Variants in EVI5 observed in about 807,000 individuals in gnomAD.
EVI5 encodes ecotropic viral integration site 5, also known as ecotropic viral integration site 5 protein homolog.
In EVI5, 73 loss-of-function variants were observed where a neutral mutation model predicts 112.0. The ratio of observed to expected loss-of-function variants is 0.65; its 90% confidence interval spans 0.54 to 0.79. The LOEUF is 0.79. Ranked by LOEUF, EVI5 falls within the 30% of genes least tolerant of loss-of-function variation. The pLI, the probability that EVI5 is intolerant of heterozygous loss-of-function variation, is 0.00. For synonymous variants in EVI5, 305 were observed against 319.9 expected, an observed-to-expected ratio of 0.95 and a Z score of 0.50; for missense variants, 900 against 968.8, an observed-to-expected ratio of 0.93 and a Z score of 0.94.
intron 1 of EVI5, among the ~76,000 whole-genome samples, chr1:92,761,579 A>C (rs1023736595): frequency 5.9e-5 from 9 of 152,218 alleles, no homozygotes; most frequent in African/African-American, 2.2e-4. Flanking sequence ...GCCCATAAAA[A>C]ACCTGATATA....
intron 1 of EVI5, among the ~76,000 whole-genome samples, chr1:92,769,745 G>A (rs1446602871): frequency 6.6e-6 from 1 of 152,022 alleles, no homozygotes; most frequent in Non-Finnish European, 1.5e-5. Flanking sequence ...AAATTAGCCG[G>A]GTGTGGTGGT....
At chr1:92,620,685 T>A (rs1178633421) in intron 16 of EVI5, among the ~76,000 whole-genome samples, 2 of 152,030 alleles carry the variant, frequency 1.3e-5, no homozygotes, top group African/African-American at 4.8e-5. Context: ...CTTTTAAAAT[T>A]GAAGAAATAA....
chr1:92,716,405 CAGAA>C (rs997854277), intron 2 of EVI5, among the ~76,000 whole-genome samples: 1 of 152,206 alleles, frequency 6.6e-6, no homozygotes, highest in Non-Finnish European at 1.5e-5. Flanking sequence ...AACTAACAAA[CAGAA>C]AGGAATAGCA....
At chr1:92,589,757 G>C (rs1273552282) in intron 18 of EVI5, among the ~76,000 whole-genome samples, 1 of 152,202 alleles carries the variant, frequency 6.6e-6, no homozygotes, top group African/African-American at 2.4e-5. Flanking sequence ...TGACAGCTTT[G>C]AAGAGAGTAG....
At chr1:92,781,508 T>A (rs945530802) in intron 1 of EVI5, among the ~76,000 whole-genome samples, 11 of 150,642 alleles carry the variant, frequency 7.3e-5, no homozygotes, top group Middle Eastern at 3.4e-3. Flanking sequence ...AAAAAAAAAA[T>A]TTTTTTTGCA....
intron 1 of EVI5, among the ~76,000 whole-genome samples, chr1:92,783,347 G>GA (rs1198599083): frequency 7.5e-6 from 1 of 133,820 alleles, no homozygotes; most frequent in African/African-American, 2.9e-5. Flanking sequence ...CCAACACGGT[G>GA]AAACCCCGTT....
At chr1:92,592,234 C>A (rs575237114) in intron 18 of EVI5, among the ~76,000 whole-genome samples, 7 of 152,230 alleles carry the variant, frequency 4.6e-5, no homozygotes, top group African/African-American at 1.7e-4. Flanking sequence ...CAGAGCGAGA[C>A]TCCGTCTCAG....
chr1:92,681,426 A>G (rs1356488760), intron 9 of EVI5, among the ~76,000 whole-genome samples: 1 of 152,196 alleles, frequency 6.6e-6, no homozygotes, highest in Non-Finnish European at 1.5e-5. Flanking sequence ...GGTAAAGAGT[A>G]TATCGTACCC....
chr1:92,753,321 C>T (rs1680470249), intron 1 of EVI5, among the ~76,000 whole-genome samples: 1 of 152,130 alleles, frequency 6.6e-6, no homozygotes, highest in Admixed American at 6.5e-5. Context: ...GAGACTTCAT[C>T]TCAATCAAAC....
intron 1 of EVI5, among the ~76,000 whole-genome samples, chr1:92,747,575 G>C (rs114590880): frequency 0.029 from 4,367 of 151,980 alleles, 191 homozygotes; most frequent in African/African-American, 0.091. Flanking sequence ...TTAGCCGGGA[G>C]TGATGTTGGG....
intron 18 of EVI5, among the ~76,000 whole-genome samples, chr1:92,586,126 A>G (rs1428184620): frequency 2.6e-5 from 4 of 152,300 alleles, no homozygotes; most frequent in Middle Eastern, 3.4e-3. Flanking sequence ...CATGATATCA[A>G]GGGTATGTAC....
chr1:92,622,045 G>A (rs541504988), intron 16 of EVI5, among the ~76,000 whole-genome samples: 7 of 151,810 alleles, frequency 4.6e-5, no homozygotes, highest in Non-Finnish European at 1.0e-4. Context: ...GCTTGAACCC[G>A]GGAGGCAGAG....
chr1:92,671,720 A>G (rs1487852674), intron 10 of EVI5, among the ~76,000 whole-genome samples: 2 of 151,362 alleles, frequency 1.3e-5, no homozygotes, highest in Non-Finnish European at 2.9e-5. Flanking sequence ...CTCCTCACAC[A>G]TCTCTACATT....
intron 10 of EVI5, among the ~76,000 whole-genome samples, chr1:92,669,547 C>CAAAAACAAAAAAAAAAAAAAAAA (rs1665497139): frequency 1.9e-5 from 1 of 51,810 alleles, no homozygotes; most frequent in Non-Finnish European, 3.2e-5. Flanking sequence ...GGCTCTGTCT[C>CAAAAACAAAAAAAAAAAAAAAAA]AAAAAAAAAA....
chr1:92,552,470 C>A (rs1362933133), intron 19 of EVI5, among the ~76,000 whole-genome samples: 1 of 152,168 alleles, frequency 6.6e-6, no homozygotes, highest in Non-Finnish European at 1.5e-5. Flanking sequence ...TTTTCCCCAC[C>A]AAACTAAAAG....
At chr1:92,620,300 C>T (rs534704043) in intron 16 of EVI5, among the ~76,000 whole-genome samples, 42 of 147,568 alleles carry the variant, frequency 2.8e-4, no homozygotes, top group Non-Finnish European at 5.5e-4. Context: ...GAGCTGAGAT[C>T]ACACCATTGC....
chr1:92,539,678 A>C (rs1210519240), intron 19 of EVI5, among the ~76,000 whole-genome samples: 1 of 152,210 alleles, frequency 6.6e-6, no homozygotes, highest in East Asian at 1.9e-4. Flanking sequence ...CAGAAGAGAA[A>C]GACTATGAAT....
chr1:92,783,393 G>A lies in EVI5; in HGVS notation c.-82+1443C>T, dbSNP rs1455308941. Among the ~76,000 whole-genome samples the A allele has an allele frequency of 8.7e-5, 13 of 149,948 alleles. 1 individual carries two copies. Among genetic ancestry groups the A allele is most frequent in the Non-Finnish European group, 1.3e-4 (9 of 67,684 alleles). ...ATACAAAAAAAAAAAAATTAGCCGG[G>A]CGTGGTGATGTACGCCTGTAATCCC... On this transcript the variant is annotated intron_variant, in intron 1 of 19. Coordinates refer to ENST00000684568, the MANE Select transcript of EVI5 (RefSeq NM_001350197.2).
chr1:92,648,544 C>T (rs1661460597), intron 13 of EVI5, among the ~76,000 whole-genome samples: 1 of 152,132 alleles, frequency 6.6e-6, no homozygotes, highest in African/African-American at 2.4e-5. Context: ...TTTCCCCCAT[C>T]ACCACCTTCT....
Sources: gnomAD v4.1 joint callset for allele counts (sites outside exome capture counted in the v4.1 genomes callset) on GRCh38, gnomAD v4.1.1 for gene constraint, MANE v1.5 for transcripts, NCBI Gene and HGNC (gene_info 2026-07-23, HGNC 2026-07-21) for gene names.